Variants in LMNTD1 observed in about 807,000 individuals in gnomAD.
LMNTD1 encodes lamin tail domain containing 1, also known as lamin tail domain-containing protein 1.
A neutral mutation model predicts 50.9 loss-of-function variants in LMNTD1; 35 were observed. The ratio of observed to expected loss-of-function variants is 0.69; its 90% CI spans 0.53 to 0.91. The LOEUF is 0.91. Among genes scored for constraint, LMNTD1 ranks in the 40% least tolerant of loss-of-function variants. LMNTD1 has a pLI of 0.00. For missense variants in LMNTD1, 470 were observed against 475.5 expected, an observed-to-expected ratio of 0.99 and a Z score of 0.11; for synonymous variants, 153 against 161.9, an observed-to-expected ratio of 0.94 and a Z score of 0.42.
intron 1 of LMNTD1, among the ~76,000 whole-genome samples, chr12:25,618,090 T>A (rs1946385400): frequency 6.6e-6 from 1 of 152,094 alleles, no homozygotes; most frequent in African/African-American, 2.4e-5. Context: ...AATCTCTACT[T>A]TTTCTGACAA....
intron 1 of LMNTD1, among the ~76,000 whole-genome samples, chr12:25,564,221 G>A (rs377073529): frequency 1.2e-4 from 19 of 152,130 alleles, no homozygotes; most frequent in African/African-American, 4.3e-4. Flanking sequence ...CATCACTCAC[G>A]CTGGGAGCTG....
At chr12:25,585,078 C>T (rs1369780424) in intron 1 of LMNTD1, among the ~76,000 whole-genome samples, 1 of 152,144 alleles carries the variant, frequency 6.6e-6, no homozygotes, top group Non-Finnish European at 1.5e-5. Flanking sequence ...TGGCAGAAAG[C>T]ACAGAGGAGA....
At chr12:25,554,122 A>G (rs1454859433), upstream of LMNTD1, among the ~76,000 whole-genome samples, 1 of 152,216 alleles carries the variant, frequency 6.6e-6, no homozygotes, top group Non-Finnish European at 1.5e-5. Context: ...GAGATGAAGC[A>G]CAATTCCTTA....
intron 1 of LMNTD1, among the ~76,000 whole-genome samples, chr12:25,607,815 T>C (rs902728781): frequency 2.0e-5 from 3 of 152,208 alleles, no homozygotes; most frequent in African/African-American, 4.8e-5. Flanking sequence ...ATTCTGTTGA[T>C]TGGGGGTGGA....
intron 1 of LMNTD1, among the ~76,000 whole-genome samples, chr12:25,622,463 G>GCCCCCCCCCCCCC (rs199777995): frequency 9.0e-6 from 1 of 111,154 alleles, no homozygotes; most frequent in Non-Finnish European, 2.0e-5. Context: ...GAGTTTGTGA[G>GCCCCCCCCCCCCC]CCCGCCCCCC....
chr12:25,614,946 T>G (rs951199893), intron 1 of LMNTD1, among the ~76,000 whole-genome samples: 1 of 152,150 alleles, frequency 6.6e-6, no homozygotes, highest in African/African-American at 2.4e-5. Flanking sequence ...AATCGCCTCT[T>G]CTTATAAGGT....
At chr12:25,579,469 G>A (rs1428376585) in intron 1 of LMNTD1, among the ~76,000 whole-genome samples, 4 of 152,060 alleles carry the variant, frequency 2.6e-5, no homozygotes, top group Admixed American at 2.0e-4. Context: ...AGAAGGTCCT[G>A]GAACCAATCC....
At chr12:25,558,861 G>T (rs920226105) in intron 1 of LMNTD1, among the ~76,000 whole-genome samples, 12 of 152,212 alleles carry the variant, frequency 7.9e-5, no homozygotes, top group African/African-American at 2.6e-4. Context: ...CCCATGACAC[G>T]TGGGGGTTAC....
chr12:25,553,758 A>T (rs985751756), upstream of LMNTD1, among the ~76,000 whole-genome samples: 3 of 152,192 alleles, frequency 2.0e-5, no homozygotes, highest in African/African-American at 7.2e-5. Context: ...TGTGTAAAAC[A>T]CTCACACTTA....
intron 1 of LMNTD1, among the ~76,000 whole-genome samples, chr12:25,581,138 C>T (rs1945265018): frequency 6.6e-6 from 1 of 152,164 alleles, no homozygotes; most frequent in Non-Finnish European, 1.5e-5. Context: ...CATAAGACAT[C>T]ACAATGGACT....
intron 1 of LMNTD1, among the ~76,000 whole-genome samples, chr12:25,618,166 TCAGAGAAGTGTGGGA>T (rs1252747454): frequency 5.3e-5 from 8 of 152,312 alleles, no homozygotes; most frequent in Middle Eastern, 3.4e-3. Context: ...TGTATGTGTG[TCAGAGAAGTGTGGGA>T]TTTTACTCAC....
chr12:25,498,414 T>C (rs1939187606), intron 9 of LMNTD1, among the ~76,000 whole-genome samples: 1 of 152,186 alleles, frequency 6.6e-6, no homozygotes, highest in Admixed American at 6.5e-5. Context: ...GGTTACTCCG[T>C]AGAAATTTAA....
chr12:25,590,733 G>A (rs998525952), intron 1 of LMNTD1, among the ~76,000 whole-genome samples: 11 of 152,166 alleles, frequency 7.2e-5, no homozygotes, highest in Admixed American at 7.2e-4. Context: ...AGCTGTGATA[G>A]GCAGCTCAGC....
At chr12:25,561,270 G>A (rs191383109) in intron 1 of LMNTD1, among the ~76,000 whole-genome samples, 4 of 152,106 alleles carry the variant, frequency 2.6e-5, no homozygotes, top group African/African-American at 9.7e-5. Flanking sequence ...GCTTTCTCTT[G>A]TGGGCATTTA....
At chr12:25,611,806 CA>C (rs1246533566) in intron 1 of LMNTD1, among the ~76,000 whole-genome samples, 2 of 152,206 alleles carry the variant, frequency 1.3e-5, no homozygotes, top group Non-Finnish European at 2.9e-5. Context: ...AATAGCAATG[CA>C]TTCAAAAGTT....
intron 1 of LMNTD1, among the ~76,000 whole-genome samples, chr12:25,618,984 GGTGA>G (rs1946404857): frequency 1.3e-5 from 2 of 152,094 alleles, no homozygotes; most frequent in African/African-American, 2.4e-5. Context: ...AAACAGGTTT[GGTGA>G]TGGGTTAACA....
intron 9 of LMNTD1, among the ~76,000 whole-genome samples, chr12:25,493,365 G>A (rs1371284456): frequency 1.3e-5 from 2 of 152,172 alleles, no homozygotes; most frequent in Admixed American, 6.5e-5. Flanking sequence ...CTGGATTTTA[G>A]TGACTAAACG....
chr12:25,525,116 A>G (rs547132078), intron 6 of LMNTD1, among the ~76,000 whole-genome samples: 3 of 152,316 alleles, frequency 2.0e-5, no homozygotes, highest in East Asian at 1.9e-4. Flanking sequence ...TGATCTAAAA[A>G]TCATTTTGAA....
At chr12:25,484,567 A>G (rs1591817117) in intron 9 of LMNTD1, among the ~76,000 whole-genome samples, 1 of 151,582 alleles carries the variant, frequency 6.6e-6, no homozygotes, top group Admixed American at 6.6e-5. Flanking sequence ...GGTTAGTTAC[A>G]TATGTATACA....
Sources: allele counts gnomAD v4.1 joint callset (sites outside exome capture counted in the v4.1 genomes callset), GRCh38; gene constraint gnomAD v4.1.1; transcripts MANE v1.5; gene names NCBI Gene and HGNC (gene_info 2026-07-23, HGNC 2026-07-21).